PPFIA1: variants seen among roughly 807,000 people sequenced by gnomAD.
PPFIA1 encodes the protein PPFI scaffold protein A1.
Under a neutral mutation model 149.9 loss-of-function variants are expected in PPFIA1, and 25 were observed. That is an observed-to-expected ratio of 0.17 (90% CI 0.12 to 0.23). The LOEUF is 0.23. Ranked by LOEUF, PPFIA1 falls within the 10% of genes least tolerant of loss-of-function variation. The pLI, the probability that PPFIA1 is intolerant of heterozygous loss-of-function variation, is 1.00. For synonymous variants in PPFIA1, 549 were observed against 552.8 expected, an observed-to-expected ratio of 0.99 and a Z score of 0.10; for missense variants, 1,362 against 1,506.5, an observed-to-expected ratio of 0.90 and a Z score of 1.59.
At chr11:70,339,555 C>G (rs1565416854) in intron 14 of PPFIA1, among the ~76,000 whole-genome samples, 2 of 149,822 alleles carry the variant, frequency 1.3e-5, no homozygotes, top group East Asian at 1.9e-4. Context: ...CCTGGCCTCA[C>G]ACAGTCCTCT....
chr11:70,273,527 C>A (rs578186053), intron 2 of PPFIA1, among the ~76,000 whole-genome samples: 39 of 152,246 alleles, frequency 2.6e-4, no homozygotes, highest in African/African-American at 8.9e-4. Context: ...GGTAGACCCG[C>A]ATAAGCACAC....
intron 2 of PPFIA1, among the ~76,000 whole-genome samples, chr11:70,278,585 A>T (rs1327158603): frequency 1.3e-5 from 2 of 152,178 alleles, no homozygotes; most frequent in African/African-American, 2.4e-5. Flanking sequence ...CCAGAGTGGA[A>T]ATAATGTTTG....
chr11:70,344,581 G>C (rs1426045841), intron 15 of PPFIA1, among the ~76,000 whole-genome samples: 1 of 152,268 alleles, frequency 6.6e-6, no homozygotes, highest in Non-Finnish European at 1.5e-5. Context: ...GAGGCTGTGT[G>C]TAGTGACGTT....
At chr11:70,369,362 T>A (rs1179558332) in intron 21 of PPFIA1, among the ~76,000 whole-genome samples, 2 of 152,248 alleles carry the variant, frequency 1.3e-5, no homozygotes, top group African/African-American at 4.8e-5. Context: ...CTTATTGTTT[T>A]AATATGTTGT....
chr11:70,318,737 A>G (rs920748701), intron 2 of PPFIA1, among the ~76,000 whole-genome samples: 3 of 152,258 alleles, frequency 2.0e-5, no homozygotes, highest in Non-Finnish European at 4.4e-5. Flanking sequence ...CATTCCAGCA[A>G]GTCCGACCAA....
chr11:70,294,460 A>T (rs1451179113), intron 2 of PPFIA1, among the ~76,000 whole-genome samples: 1 of 152,110 alleles, frequency 6.6e-6, no homozygotes, highest in African/African-American at 2.4e-5. Context: ...GTGTCTTTGA[A>T]TGGGGGATGT....
chr11:70,303,539 G>GC (rs1383473262), intron 2 of PPFIA1, among the ~76,000 whole-genome samples: 1 of 152,180 alleles, frequency 6.6e-6, no homozygotes, highest in East Asian at 1.9e-4. Context: ...CCATTCCTGA[G>GC]CGGTGCCAAG....
intron 21 of PPFIA1, chr11:70,365,649 T>C: frequency 2.8e-6 from 1 of 355,794 alleles, no homozygotes; most frequent in Non-Finnish European, 5.5e-6. Context: ...CTCTGTCTTT[T>C]AGAATAGCTT....
intron 2 of PPFIA1, among the ~76,000 whole-genome samples, chr11:70,291,837 AT>A (rs398016576): frequency 2.6e-3 from 315 of 119,598 alleles, no homozygotes; most frequent in African/African-American, 9.0e-3. Flanking sequence ...CGCCTGGCTA[AT>A]TTTTTTTTTT....
intron 21 of PPFIA1, chr11:70,362,876 C>T (rs1376259010): frequency 6.1e-6 from 1 of 163,178 alleles, no homozygotes; most frequent in Non-Finnish European, 1.3e-5. Context: ...GTCCTCCCAC[C>T]TCAGCCTTCC....
chr11:70,343,815 G>T lies in PPFIA1; in HGVS notation c.1854G>T (p.Ser618=). 1 of 1,614,096 alleles carries T rather than the reference G, an allele frequency of 6.2e-7. No individual in the cohort carries two copies. Among genetic ancestry groups the T allele is most frequent in the Non-Finnish European group, 8.5e-7 (1 of 1,180,020 alleles). The change falls in exon 15 of 28, where the codon TCG becomes TCT. Residue 618 remains serine, a synonymous_variant. Transcript: ENST00000253925. ...TCCTCAGCTCAGTTGACCTGCTATC[G>T]CCCAGCGGGCAGGCCGACGCGCACA... is the stretch of plus-strand genomic sequence containing the variant. The part of the protein sequence containing the change: ...DTLLSSVDLL[S]PSGQADAHTL...
intron 19 of PPFIA1, among the ~76,000 whole-genome samples, chr11:70,359,558 G>A (rs2056531402): frequency 6.6e-6 from 1 of 152,074 alleles, no homozygotes; most frequent in Admixed American, 6.6e-5. Flanking sequence ...CTCTATGCAG[G>A]GTGCCAGAGG....
intron 15 of PPFIA1, 69 bp downstream of exon 15, chr11:70,343,961 A>G: frequency 3.7e-6 from 5 of 1,346,820 alleles, no homozygotes; most frequent in Non-Finnish European, 4.2e-6. Context: ...CTTGCCTGGA[A>G]AAGTCTGGAT....
At chr11:70,305,165 G>A (rs182359832) in intron 2 of PPFIA1, among the ~76,000 whole-genome samples, 18 of 152,244 alleles carry the variant, frequency 1.2e-4, no homozygotes, top group Middle Eastern at 3.4e-3. Flanking sequence ...CCAAATGGTC[G>A]TGTCAATTGA....
intron 2 of PPFIA1, among the ~76,000 whole-genome samples, 183 bp downstream of exon 2, chr11:70,272,619 G>C (rs1219332209): frequency 6.6e-6 from 1 of 152,156 alleles, no homozygotes; most frequent in Non-Finnish European, 1.5e-5. Flanking sequence ...AGAACAAATC[G>C]TTGTACTCTA....
At chr11:70,326,929 C>A in intron 7 of PPFIA1, 111 bp downstream of exon 7, 1 of 881,100 alleles carries the variant, frequency 1.1e-6, no homozygotes, top group Non-Finnish European at 1.8e-6. Context: ...TACTTTCAAC[C>A]TTTGGATTAT....
chr11:70,362,218 T>C, intron 20 of PPFIA1, 42 bp downstream of exon 20: 1 of 1,607,616 alleles, frequency 6.2e-7, no homozygotes, highest in Non-Finnish European at 8.5e-7. Flanking sequence ...GGTTACAGTA[T>C]GTGAACTTAC....
chr11:70,381,557 C>T (rs2057711750), intron 26 of PPFIA1, among the ~76,000 whole-genome samples: 1 of 152,190 alleles, frequency 6.6e-6, no homozygotes, highest in African/African-American at 2.4e-5. Context: ...GAGAAAAGGG[C>T]ACCGGCTTCC....
intron 2 of PPFIA1, among the ~76,000 whole-genome samples, chr11:70,273,902 G>A (rs1266417520): frequency 6.6e-6 from 1 of 152,160 alleles, no homozygotes; most frequent in Non-Finnish European, 1.5e-5. Context: ...GGTAGGTTTT[G>A]GAAAGAATGG....
Sources: allele counts gnomAD v4.1 joint callset (sites outside exome capture counted in the v4.1 genomes callset), GRCh38; gene constraint gnomAD v4.1.1; transcripts MANE v1.5; gene names NCBI Gene and HGNC (gene_info 2026-07-23, HGNC 2026-07-21).